ACOXL: variants seen among roughly 807,000 people sequenced by gnomAD.
The protein encoded by ACOXL is acyl-coenzyme A oxidase-like protein.
Under a neutral mutation model 71.9 loss-of-function variants are expected in ACOXL, and 70 were observed. The ratio of observed to expected loss-of-function variants is 0.97; its 90% CI spans 0.80 to 1.19. The LOEUF is 1.19. Ranked by LOEUF, ACOXL falls within the 50% of genes most tolerant of loss-of-function variation. ACOXL has a pLI of 0.00. For synonymous variants in ACOXL, 253 were observed against 281.6 expected (o/e 0.90, Z 1.02); for missense variants, 703 against 736.3 (o/e 0.95, Z 0.52).
chr2:111,019,567 C>G (rs1433153016), intron 14 of ACOXL, among the ~76,000 whole-genome samples: 1 of 152,228 alleles, frequency 6.6e-6, no homozygotes, highest in Non-Finnish European at 1.5e-5. Context: ...TCAGTTAAGC[C>G]TCAACAGGGA....
intron 12 of ACOXL, among the ~76,000 whole-genome samples, chr2:110,970,535 C>T (rs1267324596): frequency 6.6e-6 from 1 of 152,184 alleles, no homozygotes; most frequent in Non-Finnish European, 1.5e-5. Flanking sequence ...CATGCTTAAT[C>T]GTGGAACATT....
At chr2:111,101,776 G>A (rs1433776269) in intron 17 of ACOXL, 1 of 152,626 alleles carries the variant, frequency 6.6e-6, no homozygotes, top group African/African-American at 2.4e-5. Flanking sequence ...CATCCTGACT[G>A]AAGCTGGCAT....
At chr2:110,987,837 A>AT (rs1484006270) in intron 13 of ACOXL, among the ~76,000 whole-genome samples, 10 of 152,132 alleles carry the variant, frequency 6.6e-5, no homozygotes, top group Non-Finnish European at 2.9e-5. Context: ...CTAATCTCTG[A>AT]TATCTTGGAC....
At chr2:110,859,585 A>G (rs1693689872) in intron 10 of ACOXL, among the ~76,000 whole-genome samples, 1 of 152,218 alleles carries the variant, frequency 6.6e-6, no homozygotes, top group South Asian at 2.1e-4. Flanking sequence ...GAGGAAATGC[A>G]GCTGCTGTTG....
intron 10 of ACOXL, among the ~76,000 whole-genome samples, chr2:110,863,417 CA>C (rs1309964310): frequency 5.9e-5 from 9 of 152,074 alleles, no homozygotes; most frequent in Non-Finnish European, 1.2e-4. Flanking sequence ...CGAAATTTGC[CA>C]AAATATTAGC....
chr2:110,909,924 A>G (rs1424728341), intron 11 of ACOXL, among the ~76,000 whole-genome samples: 2 of 151,988 alleles, frequency 1.3e-5, no homozygotes, highest in East Asian at 3.9e-4. Context: ...TGCCACCTGG[A>G]AGAAAATTAA....
At chr2:110,770,376 C>G (rs936591129) in intron 2 of ACOXL, among the ~76,000 whole-genome samples, 4 of 152,200 alleles carry the variant, frequency 2.6e-5, no homozygotes, top group African/African-American at 9.7e-5. Context: ...TCTAAGGAGA[C>G]AAGGACCAAT....
intron 12 of ACOXL, among the ~76,000 whole-genome samples, chr2:110,984,266 T>TAC (rs926758348): frequency 1.3e-5 from 2 of 152,228 alleles, no homozygotes; most frequent in South Asian, 2.1e-4. Context: ...ATTATATATA[T>TAC]ACACACACAC....
chr2:110,785,855 A>G (rs1683896448), intron 3 of ACOXL, among the ~76,000 whole-genome samples: 1 of 152,150 alleles, frequency 6.6e-6, no homozygotes, highest in Non-Finnish European at 1.5e-5. Flanking sequence ...CTATTCTCCA[A>G]AGTTAGTGCA....
At chr2:110,915,991 G>GT (rs1390749503) in intron 11 of ACOXL, among the ~76,000 whole-genome samples, 1 of 151,826 alleles carries the variant, frequency 6.6e-6, no homozygotes, top group Non-Finnish European at 1.5e-5. Context: ...ATGGATATGG[G>GT]TTTTTTGTTT....
intron 9 of ACOXL, among the ~76,000 whole-genome samples, chr2:110,834,154 T>C (rs761022137): frequency 6.6e-6 from 1 of 152,236 alleles, no homozygotes; most frequent in Non-Finnish European, 1.5e-5. Context: ...CTCTTCCTCC[T>C]CTTCTGGCTG....
At chr2:110,818,965 C>T (rs1688293457) in intron 9 of ACOXL, among the ~76,000 whole-genome samples, 1 of 76,870 alleles carries the variant, frequency 1.3e-5, no homozygotes, top group South Asian at 5.4e-4. Flanking sequence ...TTTCAGAACA[C>T]TGGAGAGCAT....
At chr2:110,779,917 A>G (rs1284274287) in intron 2 of ACOXL, among the ~76,000 whole-genome samples, 3 of 152,234 alleles carry the variant, frequency 2.0e-5, no homozygotes, top group Non-Finnish European at 4.4e-5. Context: ...GAGACTCAAA[A>G]ATCACTTGAA....
chr2:110,908,784 T>G lies in ACOXL; in HGVS notation c.789-5T>G, dbSNP rs762423560. The G allele has an allele frequency of 3.7e-6, 6 of 1,612,666 alleles. No individual in the cohort carries two copies. The South Asian group carries it at 6.6e-5, about 18-fold the overall frequency. On this transcript the variant is annotated splice_polypyrimidine_tract_variant and splice_region_variant and intron_variant, in intron 10 of 17. Coordinates refer to ENST00000439055, the MANE Select transcript of ACOXL (RefSeq NM_001142807.4). ...GTAAAAATCGTGTCTGTTGATTCCC[T>G]CTAGCCGGAGGCAGTTTGGGCCCAA... is the stretch of plus-strand genomic sequence containing the variant.
intron 10 of ACOXL, among the ~76,000 whole-genome samples, chr2:110,872,919 C>T (rs1018735436): frequency 5.9e-5 from 9 of 152,204 alleles, no homozygotes; most frequent in African/African-American, 2.2e-4. Context: ...AGAGTGACAC[C>T]TCACGGGGCT....
intron 10 of ACOXL, among the ~76,000 whole-genome samples, chr2:110,863,894 T>G (rs2148997727): frequency 6.6e-6 from 1 of 152,324 alleles, no homozygotes; most frequent in Non-Finnish European, 1.5e-5. Flanking sequence ...CAGGCATTAC[T>G]GCTAGTTTCA....
chr2:110,738,539 C>A (rs144898545), intron 1 of ACOXL, among the ~76,000 whole-genome samples: 111 of 152,304 alleles, frequency 7.3e-4, no homozygotes, highest in African/African-American at 2.4e-3. Context: ...CCATAACTTT[C>A]CAATATCCAA....
intron 1 of ACOXL, among the ~76,000 whole-genome samples, chr2:110,743,417 T>G (rs190572461): frequency 5.9e-4 from 90 of 152,366 alleles, no homozygotes; most frequent in African/African-American, 2.1e-3. Flanking sequence ...CATTTTTTTC[T>G]AGAATATGTT....
intron 10 of ACOXL, among the ~76,000 whole-genome samples, chr2:110,855,285 C>T (rs908889242): frequency 1.3e-5 from 2 of 152,182 alleles, no homozygotes; most frequent in African/African-American, 2.4e-5. Context: ...ATTGCTTAAA[C>T]GCTTCCTCAT....
Sources: gnomAD v4.1 joint callset for allele counts (sites outside exome capture counted in the v4.1 genomes callset) on GRCh38, gnomAD v4.1.1 for gene constraint, MANE v1.5 for transcripts, NCBI Gene and HGNC (gene_info 2026-07-23, HGNC 2026-07-21) for gene names.